CCDC7: variants seen among roughly 807,000 people sequenced by gnomAD.
The protein encoded by CCDC7 is coiled-coil domain containing 7.
CCDC7 carries 183 observed loss-of-function variants against 196.9 expected under a neutral mutation model. That is an observed-to-expected ratio of 0.93 (90% CI 0.82 to 1.05). The LOEUF (loss-of-function observed/expected upper bound fraction) is 1.05. Ranked by LOEUF, CCDC7 falls within the 50% of genes least tolerant of loss-of-function variation. CCDC7 has a pLI of 0.00. For missense variants in CCDC7, 1,540 were observed against 1,482.2 expected, an observed-to-expected ratio of 1.04 and a Z score of -0.64; for synonymous variants, 525 against 484.6, an observed-to-expected ratio of 1.08 and a Z score of -1.10.
At chr10:32,630,566 A>C (rs2064723169) in intron 18 of CCDC7, among the ~76,000 whole-genome samples, 1 of 152,078 alleles carries the variant, frequency 6.6e-6, no homozygotes, top group Non-Finnish European at 1.5e-5. Flanking sequence ...CCGATACAAT[A>C]ATAGCTAGAT....
chr10:32,462,801 AT>A (rs1305381855), intron 4 of CCDC7, 98 bp downstream of exon 5: 6 of 1,289,894 alleles, frequency 4.7e-6, no homozygotes, highest in Non-Finnish European at 6.3e-6. Context: ...AGTAGAAGGA[AT>A]TCCATACTTG....
chr10:32,849,270 T>C (rs1056909886), intron 39 of CCDC7, among the ~76,000 whole-genome samples: 12 of 152,142 alleles, frequency 7.9e-5, no homozygotes, highest in African/African-American at 2.2e-4. Context: ...TAACTGATGA[T>C]TGTCTTGGCT....
intron 28 of CCDC7, among the ~76,000 whole-genome samples, chr10:32,778,146 C>G (rs1054765972): frequency 6.6e-6 from 1 of 152,110 alleles, no homozygotes; most frequent in African/African-American, 2.4e-5. Context: ...TCTGTCTAAT[C>G]CGTTGATAGT....
chr10:32,489,807 G>A (rs747077338), intron 8 of CCDC7, among the ~76,000 whole-genome samples: 3 of 152,144 alleles, frequency 2.0e-5, no homozygotes, highest in East Asian at 3.9e-4. Context: ...ATGGAAGTGC[G>A]TGATCCAACG....
intron 18 of CCDC7, among the ~76,000 whole-genome samples, chr10:32,587,972 T>C (rs1270832212): frequency 3.3e-5 from 5 of 152,212 alleles, no homozygotes; most frequent in Non-Finnish European, 7.3e-5. Context: ...GATTAGGTCA[T>C]GGAGGCCTTG....
At chr10:32,518,531 A>G (rs768730618) in intron 11 of CCDC7, 26 bp downstream of exon 12, 15 of 1,585,604 alleles carry the variant, frequency 9.5e-6, no homozygotes, top group Non-Finnish European at 1.2e-5. Flanking sequence ...GTGTTTGAAA[A>G]TGGCATACAC....
upstream of CCDC7, among the ~76,000 whole-genome samples, chr10:32,445,645 A>G (rs1280331888): frequency 6.6e-6 from 1 of 152,260 alleles, no homozygotes; most frequent in Admixed American, 6.5e-5. Context: ...CAGTGCGTGG[A>G]AACTGATGGC....
At chr10:32,629,176 C>G (rs1236299780) in intron 18 of CCDC7, among the ~76,000 whole-genome samples, 1 of 152,094 alleles carries the variant, frequency 6.6e-6, no homozygotes, top group Non-Finnish European at 1.5e-5. Context: ...TTTAGGTTCT[C>G]CGGTATTTAC....
At chr10:32,673,230 C>T (rs1291455623) in intron 21 of CCDC7, among the ~76,000 whole-genome samples, 2 of 151,824 alleles carry the variant, frequency 1.3e-5, no homozygotes, top group Admixed American at 6.6e-5. Flanking sequence ...AAGTATGATG[C>T]CTCCAGTTTT....
intron 15 of CCDC7, among the ~76,000 whole-genome samples, chr10:32,569,602 A>G (rs1210472498): frequency 6.6e-6 from 1 of 151,784 alleles, no homozygotes; most frequent in Non-Finnish European, 1.5e-5. Flanking sequence ...AATTTTTTAT[A>G]TTTTTAGTAG....
intron 20 of CCDC7, among the ~76,000 whole-genome samples, chr10:32,636,812 C>G (rs906740600): frequency 6.6e-6 from 1 of 152,224 alleles, no homozygotes; most frequent in African/African-American, 2.4e-5. Flanking sequence ...ACACAGACTT[C>G]CACAATGGTT....
At chr10:32,607,606 C>T (rs2061675995) in intron 18 of CCDC7, among the ~76,000 whole-genome samples, 1 of 152,080 alleles carries the variant, frequency 6.6e-6, no homozygotes, top group Non-Finnish European at 1.5e-5. Flanking sequence ...GTCCTTGATT[C>T]TGTTTATGTG....
chr10:32,695,946 C>T (rs780416460), intron 24 of CCDC7, among the ~76,000 whole-genome samples: 11 of 151,858 alleles, frequency 7.2e-5, no homozygotes, highest in Non-Finnish European at 1.3e-4. Context: ...ATGCCTTAAG[C>T]AAAAGGCCAG....
exon 1 of CCDC7, chr10:32,446,163 G>A (rs991688044): frequency 7.2e-5 from 11 of 152,176 alleles, no homozygotes; most frequent in Non-Finnish European, 1.5e-4. Flanking sequence ...GGCGCCGGCG[G>A]CGGGTGCCCG....
intron 9 of CCDC7, among the ~76,000 whole-genome samples, chr10:32,498,857 A>G (rs940953262): frequency 6.8e-6 from 1 of 147,340 alleles, no homozygotes; most frequent in Non-Finnish European, 1.5e-5. Flanking sequence ...TCTGACAATT[A>G]TGTGTCTTGG....
intron 21 of CCDC7, among the ~76,000 whole-genome samples, chr10:32,667,757 T>G (rs530415138): frequency 6.6e-6 from 1 of 152,190 alleles, no homozygotes; most frequent in Non-Finnish European, 1.5e-5. Flanking sequence ...CACCATGCTC[T>G]TTTGGTTACT....
In CCDC7 at chr10:32,543,299, G is replaced by T; in HGVS notation, c.994-1G>T. The T allele has an allele frequency of 1.4e-6, 2 of 1,418,498 alleles. No individual in the cohort carries two copies. Among genetic ancestry groups the T allele is most frequent in the South Asian group, 1.6e-5 (1 of 62,348 alleles). 87.9% of individuals were successfully genotyped at this position (1,418,498 alleles called of 1,614,324 possible). ...TTTCTGGCTTATGTAAAATTATACA[G>T]AAAACTAAGCCTACAAATAATCGAA... is the stretch of plus-strand genomic sequence containing the variant. On this transcript the variant is annotated splice_acceptor_variant, in intron 11 of 41. Coordinates refer to ENST00000639629, the Ensembl canonical transcript of CCDC7. LOFTEE classifies it high-confidence loss of function.
intron 11 of CCDC7, among the ~76,000 whole-genome samples, chr10:32,527,280 C>T (rs1246019732): frequency 6.6e-6 from 1 of 152,198 alleles, no homozygotes; most frequent in Non-Finnish European, 1.5e-5. Context: ...ATGGCTGCTG[C>T]ACTGTGATAG....
intron 31 of CCDC7, among the ~76,000 whole-genome samples, chr10:32,819,625 A>G (rs2089715439): frequency 6.6e-6 from 1 of 152,214 alleles, no homozygotes; most frequent in South Asian, 2.1e-4. Flanking sequence ...ACCATGATCA[A>G]ATGGGCTTCA....
Sources: allele counts gnomAD v4.1 joint callset (sites outside exome capture counted in the v4.1 genomes callset), GRCh38; gene constraint gnomAD v4.1.1; transcripts MANE v1.5; gene names NCBI Gene and HGNC (gene_info 2026-07-23, HGNC 2026-07-21).